The following PCDHA2 variants were observed in gnomAD, a reference collection of about 807,000 sequenced individuals.
PCDHA2 encodes the protein protocadherin alpha 2.
PCDHA2 carries 58 observed loss-of-function variants against 66.0 expected under a neutral mutation model. The observed-to-expected ratio is 0.88, with a 90% CI of 0.71 to 1.09. The LOEUF is 1.09. Ranked by LOEUF, PCDHA2 falls within the 50% of genes least tolerant of loss-of-function variation. The pLI is 0.00. For missense variants in PCDHA2, 1,267 were observed against 1,242.3 expected (o/e 1.02, Z -0.30); for synonymous variants, 634 against 554.0 (o/e 1.14, Z -2.03).
intron 1 of PCDHA2, chr5:140,875,344 A>G: frequency 1.4e-6 from 2 of 1,442,996 alleles, no homozygotes; most frequent in East Asian, 2.5e-5. Context: ...TCGACTCCAT[A>G]ATGACTGTGA....
chr5:140,951,779 CA>C (rs1402940575), intron 1 of PCDHA2, among the ~76,000 whole-genome samples: 1 of 152,142 alleles, frequency 6.6e-6, no homozygotes, highest in East Asian at 1.9e-4. Flanking sequence ...TCTTACATTG[CA>C]AAATACAATT....
Position 140,797,020 on chromosome 5 carries a change from G to C in PCDHA2, c.2056G>C (p.Ala686Pro), listed in dbSNP as rs538442586. Residue 686 changes from alanine (A) to proline (P), a missense_variant, in exon 1 of 4, where the codon GCC becomes CCC. Transcript: ENST00000526136. ...GGCCTCGTCGCGGGCGTGGGTGGGC[G>C]CCGCGGGCTCAGAGGCTACGCTGGT... Reference protein sequence around the residue: ...PKASSRAWVGAAGSEATLVDV... With the variant: ...PKASSRAWVGPAGSEATLVDV... The C allele has an allele frequency of 1.2e-6, 2 of 1,613,594 alleles. No homozygotes were observed. The highest frequency in any genetic ancestry group is 2.2e-5 in the East Asian group (1 of 44,882).
At chr5:140,897,759 G>A (rs1238732675) in intron 1 of PCDHA2, among the ~76,000 whole-genome samples, 7 of 152,228 alleles carry the variant, frequency 4.6e-5, no homozygotes, top group South Asian at 2.1e-4. Flanking sequence ...CTGAGGAATC[G>A]CCACACTGAC....
chr5:140,985,975 G>A (rs2097182023), intron 3 of PCDHA2, among the ~76,000 whole-genome samples: 2 of 152,148 alleles, frequency 1.3e-5, no homozygotes, highest in South Asian at 2.1e-4. Flanking sequence ...TCCTGACCTC[G>A]TGATCCGCCC....
chr5:140,968,330 G>A (rs1314697989), intron 1 of PCDHA2: 2 of 1,613,974 alleles, frequency 1.2e-6, no homozygotes, highest in East Asian at 2.2e-5. Context: ...CACCTCCTAT[G>A]TCTCCATTAA....
chr5:140,986,737 G>A (rs1183806071), intron 3 of PCDHA2, among the ~76,000 whole-genome samples: 1 of 152,192 alleles, frequency 6.6e-6, no homozygotes, highest in African/African-American at 2.4e-5. Flanking sequence ...CAAGACCCCA[G>A]GGGATCTGGG....
At chr5:140,925,682 G>A (rs1554202871) in intron 1 of PCDHA2, among the ~76,000 whole-genome samples, 1 of 122,672 alleles carries the variant, frequency 8.2e-6, no homozygotes, top group Non-Finnish European at 1.8e-5. Context: ...ATAATAAAGC[G>A]AGGGTGGGTA....
At chr5:140,973,263 A>G (rs1458697392) in intron 1 of PCDHA2, among the ~76,000 whole-genome samples, 1 of 152,136 alleles carries the variant, frequency 6.6e-6, no homozygotes, top group Admixed American at 6.5e-5. Flanking sequence ...AGTGGCACCT[A>G]CTTTTATTTC....
At chr5:140,975,784 A>G (rs1216156931) in intron 1 of PCDHA2, among the ~76,000 whole-genome samples, 1 of 151,914 alleles carries the variant, frequency 6.6e-6, no homozygotes, top group Non-Finnish European at 1.5e-5. Flanking sequence ...CCATTACAAG[A>G]TAAATTAAAT....
rs2150357061 is a variant in PCDHA2, at chr5:140,843,307, G to C, written c.2388+45955G>C. On this transcript the variant is annotated intron_variant, in intron 1 of 3. Transcript: ENST00000526136. The stretch of plus-strand genomic sequence containing the variant: ...ATGGTGAACCTGCGCTGACCGCCAC[G>C]GCCACGGTTCTGGTGTCGCTGGTGG... 7 of 1,595,858 alleles carry C rather than the reference G, an allele frequency of 4.4e-6. 1 individual carries two copies. The highest frequency in any genetic ancestry group is 6.0e-6 in the Non-Finnish European group (7 of 1,165,566).
intron 1 of PCDHA2, chr5:140,809,061 G>A (rs1554124972): frequency 2.5e-6 from 4 of 1,613,810 alleles, no homozygotes; most frequent in Non-Finnish European, 1.7e-6. Flanking sequence ...TTCCGCGTGG[G>A]GCTGTACACT....
intron 1 of PCDHA2, chr5:140,871,331 C>A (rs1414219251): frequency 6.2e-7 from 1 of 1,614,102 alleles, no homozygotes; most frequent in Non-Finnish European, 8.5e-7. Flanking sequence ...TGCTCCCGCG[C>A]GGTGGGGAGC....
At chr5:140,854,271 A>C in intron 1 of PCDHA2, 5 of 574,086 alleles carry the variant, frequency 8.7e-6, no homozygotes, top group Non-Finnish European at 1.1e-5. Context: ...CATTAGTAGA[A>C]ATTGAGTTTA....
At chr5:140,836,595 ACT>A (rs2150265014) in intron 1 of PCDHA2, 1 of 1,613,556 alleles carries the variant, frequency 6.2e-7, no homozygotes, top group Non-Finnish European at 8.5e-7. Context: ...GGTAAAGCCC[ACT>A]CTGGTGTGCT....
chr5:140,852,586 T>A (rs2042389124), intron 1 of PCDHA2: 4 of 878,450 alleles, frequency 4.6e-6, no homozygotes, highest in East Asian at 1.2e-4. Context: ...TTTTTTATTT[T>A]TTTTTTTTGT....
rs1475078197 is a variant in PCDHA2, at chr5:140,845,480, C to A, written c.2388+48128C>A. On this transcript the variant is annotated intron_variant, in intron 1 of 3. Coordinates refer to ENST00000526136, the MANE Select transcript of PCDHA2 (RefSeq NM_018905.3). ...TCTGATATTTGAATTTGGGGTTGTG[C>A]TTTCACAGTGAGAAAGTCTAAACCT... is the stretch of plus-strand genomic sequence containing the variant. 1.3e-5 allele frequency among the ~76,000 whole-genome samples: 2 copies of A among 149,578 alleles called. 1 individual carries two copies. Among genetic ancestry groups the A allele is most frequent in the South Asian group, 4.2e-4 (2 of 4,742 alleles).
At chr5:140,828,717 A>G in intron 1 of PCDHA2, 7 of 1,614,226 alleles carry the variant, frequency 4.3e-6, no homozygotes, top group Non-Finnish European at 5.9e-6. Context: ...CCTGCACACA[A>G]CTTATTCCTG....
intron 3 of PCDHA2, among the ~76,000 whole-genome samples, chr5:140,990,780 GACGATGA>G (rs1554251732): frequency 6.6e-6 from 1 of 152,192 alleles, no homozygotes; most frequent in Non-Finnish European, 1.5e-5. Flanking sequence ...CTCTGTGTTG[GACGATGA>G]ACCATGGAAT....
chr5:140,892,596 T>C (rs143701120), intron 1 of PCDHA2, among the ~76,000 whole-genome samples: 79 of 152,254 alleles, frequency 5.2e-4, no homozygotes, highest in African/African-American at 1.4e-3. Flanking sequence ...CATTCACCTA[T>C]TTTTTTCCTT....
Sources: gnomAD v4.1 joint callset for allele counts (sites outside exome capture counted in the v4.1 genomes callset) on GRCh38, gnomAD v4.1.1 for gene constraint, MANE v1.5 for transcripts, NCBI Gene and HGNC (gene_info 2026-07-23, HGNC 2026-07-21) for gene names.